Variants in STARD8 observed in about 807,000 individuals in gnomAD.
STARD8 encodes StAR related lipid transfer domain containing 8.
STARD8 carries 25 observed loss-of-function variants against 69.4 expected under a neutral mutation model. The observed-to-expected ratio is 0.36, with a 90% CI of 0.26 to 0.50. The LOEUF (loss-of-function observed/expected upper bound fraction) is 0.50, where lower values mean the gene tolerates loss of function less well. STARD8 is among the 20% of genes least tolerant of loss of function. The pLI is 0.96. For synonymous variants in STARD8, 389 were observed against 374.6 expected (o/e 1.04, Z -0.45); for missense variants, 921 against 932.5 (o/e 0.99, Z 0.16).
At chrX:68,693,270 G>A (rs762842390) in intron 2 of STARD8, among the ~76,000 whole-genome samples, 1 of 112,846 alleles carries the variant, frequency 8.9e-6, no homozygotes, top group South Asian at 3.6e-4. Context: ...TTTCACTGAA[G>A]TTGTGTCTTC....
intron 2 of STARD8, among the ~76,000 whole-genome samples, chrX:68,671,862 G>A (rs765056542): frequency 8.9e-6 from 1 of 112,089 alleles, no homozygotes; most frequent in African/African-American, 3.2e-5. Flanking sequence ...TGTCTTAGGG[G>A]ACATGAAAGG....
At chrX:68,693,744 C>T (rs779274022) in intron 2 of STARD8, 25 of 753,862 alleles carry the variant, frequency 3.3e-5, no homozygotes, top group Admixed American at 1.7e-4. Flanking sequence ...GTGTCCCGGA[C>T]GGAGCAGTCC....
At chrX:68,668,350 C>G (rs2079706851) in intron 2 of STARD8, among the ~76,000 whole-genome samples, 1 of 95,139 alleles carries the variant, frequency 1.1e-5, no homozygotes, top group African/African-American at 4.0e-5. Flanking sequence ...TTCTATGAGA[C>G]ACGGTCTCTG....
chrX:68,659,277 T>C (rs2079630134), intron 1 of STARD8, among the ~76,000 whole-genome samples: 1 of 112,128 alleles, frequency 8.9e-6, no homozygotes, highest in South Asian at 3.8e-4. Flanking sequence ...TAGCTTGGAC[T>C]CTGTTTTTTC....
At chrX:68,720,078 CTG>C (rs1384319340) in intron 7 of STARD8, among the ~76,000 whole-genome samples, 184 bp from the exon 8 acceptor site, 1 of 112,641 alleles carries the variant, frequency 8.9e-6, no homozygotes, top group Non-Finnish European at 1.9e-5. Flanking sequence ...CTTGGCCAGA[CTG>C]AGAGCTCTCT....
intron 1 of STARD8, among the ~76,000 whole-genome samples, chrX:68,653,019 A>C (rs1602534638): frequency 4.4e-5 from 1 of 22,846 alleles, no homozygotes; most frequent in Non-Finnish European, 8.4e-5. Flanking sequence ...CACCACACAC[A>C]CACACCCCAC....
chrX:68,671,441 A>G (rs755848072), intron 2 of STARD8, among the ~76,000 whole-genome samples: 6 of 112,646 alleles, frequency 5.3e-5, no homozygotes, highest in Non-Finnish European at 9.4e-5. Flanking sequence ...TTGGTGTACA[A>G]TGGCTATATC....
chrX:68,700,837 T>G (rs764968771), intron 2 of STARD8, among the ~76,000 whole-genome samples: 11 of 112,485 alleles, frequency 9.8e-5, no homozygotes, highest in Non-Finnish European at 2.1e-4. Flanking sequence ...TGGGAGACTT[T>G]GGGCAAATTA....
chrX:68,686,422 C>A (rs2079832806), intron 2 of STARD8, among the ~76,000 whole-genome samples: 1 of 112,849 alleles, frequency 8.9e-6, no homozygotes, highest in Non-Finnish European at 1.9e-5. Context: ...CGCCTGGCAC[C>A]GCGCGGCGCC....
intron 1 of STARD8, among the ~76,000 whole-genome samples, chrX:68,650,110 C>T (rs954503742): frequency 3.6e-4 from 40 of 111,188 alleles, no homozygotes; most frequent in Non-Finnish European, 4.3e-4. Context: ...CATGTCCTAA[C>T]CCCTGTCAGC....
intron 3 of STARD8, 69 bp downstream of exon 3, chrX:68,713,054 G>T (rs781402143): frequency 9.6e-7 from 1 of 1,044,177 alleles, no homozygotes; most frequent in South Asian, 2.1e-5. Context: ...GTTAGATGGG[G>T]CAAGTCAGAT....
At chrX:68,680,104 G>A (rs1429920653) in intron 2 of STARD8, among the ~76,000 whole-genome samples, 2 of 111,785 alleles carry the variant, frequency 1.8e-5, no homozygotes, top group Non-Finnish European at 3.8e-5. Flanking sequence ...AGAAATTATA[G>A]GATAAATTTT....
chrX:68,663,088 G>C (rs1234946861), intron 1 of STARD8, among the ~76,000 whole-genome samples: 2 of 111,899 alleles, frequency 1.8e-5, no homozygotes, highest in Admixed American at 9.5e-5. Context: ...TGGATTCTTG[G>C]CCTCTGGGTT....
In STARD8 at chrX:68,722,603, T is replaced by A. The variant is rs1430102759; in HGVS notation, c.2756T>A (p.Met919Lys). ...GCTGCTGAGCGCTTCAAGGGCTGGA[T>A]GAGCGTGCCAGGGCCCCAGCACACG... ...RDAAERFKGW[M>K]SVPGPQHTEL... The change falls in exon 12 of 15, where the codon ATG becomes AAG. Residue 919 changes from methionine to lysine, a missense_variant. Physicochemically the swap from Met to Lys is moderately conservative, Grantham distance 95. Coordinates refer to ENST00000374599, the MANE Select transcript of STARD8 (RefSeq NM_001142503.3). 8.3e-7 allele frequency: 1 copy of A among 1,211,925 alleles called. No individual in the cohort carries two copies. The highest frequency in any genetic ancestry group is 1.7e-5 in the African/African-American group (1 of 57,892).
chrX:68,721,695 C>G lies in STARD8; in HGVS notation c.2408C>G (p.Ala803Gly). The G allele has an allele frequency of 8.2e-7, 1 of 1,212,158 alleles. No homozygotes were observed. Among genetic ancestry groups the G allele is most frequent in the Non-Finnish European group, 1.1e-6 (1 of 895,533 alleles). Residue 803 changes from alanine to glycine, a missense_variant, in exon 10 of 15, where the codon GCG becomes GGG. Ala to Gly is a moderately conservative substitution (Grantham distance 60). Coordinates refer to ENST00000374599, the MANE Select transcript of STARD8 (RefSeq NM_001142503.3). ...MTAGNLAVCL[A>G]PSIFHLNVSK... is the part of the protein sequence containing the mutation. ...GCAGGCAACCTGGCAGTGTGCCTGG[C>G]GCCCTCCATCTTCCACCTCAATGTC... is the stretch of plus-strand genomic sequence containing the variant.
At chrX:68,724,184 C>G in intron 14 of STARD8, 63 bp downstream of exon 14, 3 of 1,178,561 alleles carry the variant, frequency 2.5e-6, no homozygotes, top group African/African-American at 3.5e-5. Flanking sequence ...TGCCTCTGCC[C>G]CTACTTTCTG....
chrX:68,708,417 A>G (rs747685745), intron 2 of STARD8, among the ~76,000 whole-genome samples: 31 of 112,585 alleles, frequency 2.8e-4, no homozygotes, highest in African/African-American at 1.0e-3. Flanking sequence ...TCCTGGTTGC[A>G]TCCTTCTCAG....
rs770069375 is a variant in STARD8 at position 68,720,292 on chromosome X, A to G, written c.1918A>G (p.Lys640Glu). The stretch of plus-strand genomic sequence containing the variant: ...AATGCCCAAGTTCATGAGGAGGAAC[A>G]AGACCCCAGATTACCGGGGACAGCA... Reference protein sequence around the residue: ...WSMPKFMRRNKTPDYRGQHVF... With the variant: ...WSMPKFMRRNETPDYRGQHVF... The change falls in exon 8 of 15, where the codon AAG (lysine) becomes GAG (glutamate). Residue 640 changes from lysine to glutamate, a missense_variant. Physicochemically the swap from Lys to Glu is moderately conservative, Grantham distance 56. Transcript: ENST00000374599. The G allele has an allele frequency of 8.3e-7, 1 of 1,206,063 alleles. No individual in the cohort carries two copies. The highest frequency in any genetic ancestry group is 1.1e-6 in the Non-Finnish European group (1 of 892,342).
intron 2 of STARD8, among the ~76,000 whole-genome samples, chrX:68,704,931 A>G (rs956981311): frequency 8.9e-6 from 1 of 112,007 alleles, no homozygotes; most frequent in East Asian, 2.8e-4. Context: ...GCCAGAAGGT[A>G]GTTCACCTGA....
Sources: allele counts gnomAD v4.1 joint callset (sites outside exome capture counted in the v4.1 genomes callset), GRCh38; gene constraint gnomAD v4.1.1; transcripts MANE v1.5; gene names NCBI Gene and HGNC (gene_info 2026-07-23, HGNC 2026-07-21).